Variants in CDKAL1 observed in about 807,000 individuals in gnomAD.
The protein encoded by CDKAL1 is threonylcarbamoyladenosine tRNA methylthiotransferase.
A neutral mutation model predicts 68.2 loss-of-function variants in CDKAL1; 32 were observed. The ratio of observed to expected loss-of-function variants is 0.47; its 90% CI spans 0.35 to 0.63. The LOEUF (loss-of-function observed/expected upper bound fraction) is 0.63. CDKAL1 is among the 30% of genes least tolerant of loss of function. The probability of loss-of-function intolerance (pLI) is 0.00; values close to 1 mark genes in which losing one functional copy is unlikely to be tolerated. For missense variants in CDKAL1, 606 were observed against 696.7 expected, an observed-to-expected ratio of 0.87 and a Z score of 1.47; for synonymous variants, 234 against 244.3, an observed-to-expected ratio of 0.96 and a Z score of 0.39.
chr6:20,751,309 A>T (rs1273797276), intron 6 of CDKAL1, among the ~76,000 whole-genome samples: 1 of 152,226 alleles, frequency 6.6e-6, no homozygotes, highest in Non-Finnish European at 1.5e-5. Context: ...GGCTGCCATA[A>T]CAAATTACTG....
chr6:20,779,872 A>C (rs1216130686), intron 7 of CDKAL1, among the ~76,000 whole-genome samples: 1 of 152,050 alleles, frequency 6.6e-6, no homozygotes, highest in Middle Eastern at 3.2e-3. Context: ...AAACTTTATA[A>C]ATGTATTTAA....
chr6:21,155,037 G>A (rs1486432555), intron 13 of CDKAL1, among the ~76,000 whole-genome samples: 8 of 149,036 alleles, frequency 5.4e-5, no homozygotes. Flanking sequence ...CATTAAGAAT[G>A]TAATTGCTGT....
At chr6:20,905,596 G>A (rs1385289689) in intron 9 of CDKAL1, among the ~76,000 whole-genome samples, 2 of 152,056 alleles carry the variant, frequency 1.3e-5, no homozygotes, top group South Asian at 2.1e-4. Context: ...GAAGCCCAAC[G>A]AACTCTGAGT....
At position 21,009,044 on chromosome 6, in the gene CDKAL1, T is replaced by A. The variant is rs1037136595; in HGVS notation, c.1055+8672T>A. 1.3e-5 allele frequency among the ~76,000 whole-genome samples: 2 copies of A among 152,330 alleles called. 1 individual carries two copies. The highest frequency in any genetic ancestry group is 4.8e-5 in the African/African-American group (2 of 41,580). The stretch of plus-strand genomic sequence containing the variant: ...TATAATATGTTGAAATCAGTGTAGT[T>A]TACATGGTACTAAGTGGTTTACATG... On this transcript the variant is annotated intron_variant, in intron 11 of 15. Coordinates refer to ENST00000274695, the MANE Select transcript of CDKAL1 (RefSeq NM_017774.3).
At chr6:20,568,734 C>CAAA (rs71538795) in intron 4 of CDKAL1, among the ~76,000 whole-genome samples, 75 of 31,066 alleles carry the variant, frequency 2.4e-3, no homozygotes, top group Admixed American at 4.5e-3. Flanking sequence ...GACTCCGCCT[C>CAAA]AAAAAAAAAA....
intron 11 of CDKAL1, among the ~76,000 whole-genome samples, chr6:21,058,082 T>G (rs887760542): frequency 6.6e-6 from 1 of 152,242 alleles, no homozygotes; most frequent in Non-Finnish European, 1.5e-5. Flanking sequence ...ATTTTCTGTC[T>G]CAATGATCTG....
chr6:20,625,059 CT>C (rs1767367496), intron 4 of CDKAL1, among the ~76,000 whole-genome samples: 1 of 152,044 alleles, frequency 6.6e-6, no homozygotes, highest in Admixed American at 6.6e-5. Context: ...CAATATTTGT[CT>C]TTGCTCTGGT....
At chr6:20,955,284 T>C in intron 9 of CDKAL1, 135 bp from the exon 10 acceptor site, 2 of 852,440 alleles carry the variant, frequency 2.3e-6, no homozygotes, top group South Asian at 1.7e-5. Context: ...GATAAGCTGC[T>C]TTTTCTCTGC....
chr6:21,033,342 C>CT (rs1769397667), intron 11 of CDKAL1, among the ~76,000 whole-genome samples: 3 of 152,228 alleles, frequency 2.0e-5, no homozygotes, highest in Non-Finnish European at 2.9e-5. Flanking sequence ...TGAGATATTT[C>CT]TTTTTTAACT....
intron 11 of CDKAL1, among the ~76,000 whole-genome samples, chr6:21,039,080 C>T (rs1175022840): frequency 6.6e-6 from 1 of 152,140 alleles, no homozygotes; most frequent in Non-Finnish European, 1.5e-5. Flanking sequence ...TGATACCAGT[C>T]CATGGCCTGT....
At chr6:21,178,241 G>T (rs944245697) in intron 13 of CDKAL1, among the ~76,000 whole-genome samples, 8 of 152,078 alleles carry the variant, frequency 5.3e-5, no homozygotes, top group Admixed American at 1.3e-4. Flanking sequence ...AAATAGTCAA[G>T]AAATTAACAT....
At chr6:21,169,561 G>C (rs886249749) in intron 13 of CDKAL1, among the ~76,000 whole-genome samples, 4 of 152,172 alleles carry the variant, frequency 2.6e-5, no homozygotes, top group African/African-American at 9.7e-5. Flanking sequence ...ACTTGAACCC[G>C]GGAGGGAGAG....
At chr6:20,779,037 AG>A (rs1197180380) in intron 7 of CDKAL1, among the ~76,000 whole-genome samples, 2 of 152,248 alleles carry the variant, frequency 1.3e-5, no homozygotes, top group Non-Finnish European at 2.9e-5. Context: ...TCACATGAGA[AG>A]GTACTCAACA....
intron 5 of CDKAL1, among the ~76,000 whole-genome samples, chr6:20,664,849 C>T (rs1044759254): frequency 2.6e-5 from 4 of 152,020 alleles, no homozygotes; most frequent in Non-Finnish European, 4.4e-5. Flanking sequence ...ACTTGGTAAT[C>T]GGTAATGGGT....
At chr6:21,130,416 G>A (rs1004620306) in intron 13 of CDKAL1, among the ~76,000 whole-genome samples, 1 of 151,944 alleles carries the variant, frequency 6.6e-6, no homozygotes, top group Non-Finnish European at 1.5e-5. Flanking sequence ...GTAGAAACGG[G>A]GTTTCACCAT....
intron 4 of CDKAL1, among the ~76,000 whole-genome samples, chr6:20,628,569 A>G (rs1275760147): frequency 6.6e-6 from 1 of 152,146 alleles, no homozygotes; most frequent in Non-Finnish European, 1.5e-5. Flanking sequence ...TTCCTTTAAC[A>G]TAAACATTTT....
intron 6 of CDKAL1, chr6:20,756,839 T>TTCCTTTCTTCCTTC (rs1774198628): frequency 2.9e-5 from 2 of 68,798 alleles, no homozygotes; most frequent in African/African-American, 6.4e-5. Context: ...TTCCTTCCTT[T>TTCCTTTCTTCCTTC]CTTCCTTCCT....
intron 2 of CDKAL1, among the ~76,000 whole-genome samples, chr6:20,538,103 A>G (rs1763249305): frequency 6.6e-6 from 1 of 152,194 alleles, no homozygotes. Flanking sequence ...TGCCCTCCAG[A>G]AGGGGTGTAC....
intron 11 of CDKAL1, among the ~76,000 whole-genome samples, chr6:21,043,002 G>A (rs554079757): frequency 6.6e-5 from 10 of 152,260 alleles, no homozygotes; most frequent in African/African-American, 1.9e-4. Context: ...GGAGGACCAC[G>A]TGAGTTCATA....
Sources: allele counts gnomAD v4.1 joint callset (sites outside exome capture counted in the v4.1 genomes callset), GRCh38; gene constraint gnomAD v4.1.1; transcripts MANE v1.5; gene names NCBI Gene and HGNC (gene_info 2026-07-23, HGNC 2026-07-21).